Variants in KCNIP4 observed in about 807,000 individuals in gnomAD.
KCNIP4 encodes Kv channel-interacting protein 4.
In KCNIP4, 12 loss-of-function variants were observed where a neutral mutation model predicts 34.0. That is an observed-to-expected ratio of 0.35 (90% confidence interval 0.23 to 0.57). The LOEUF (loss-of-function observed/expected upper bound fraction) is 0.57. Among genes scored for constraint, KCNIP4 ranks in the 20% least tolerant of loss-of-function variants. The pLI is 0.83. For synonymous variants in KCNIP4, 124 were observed against 102.2 expected (o/e 1.21, Z -1.29); for missense variants, 238 against 311.7 (o/e 0.76, Z 1.78).
chr4:21,823,811 G>C (rs1317265840), intron 1 of KCNIP4, among the ~76,000 whole-genome samples: 1 of 151,984 alleles, frequency 6.6e-6, no homozygotes, highest in Non-Finnish European at 1.5e-5. Flanking sequence ...AATCCCTCTT[G>C]GTAAATCACA....
At chr4:21,841,740 C>G (rs1393858111) in intron 1 of KCNIP4, among the ~76,000 whole-genome samples, 1 of 151,746 alleles carries the variant, frequency 6.6e-6, no homozygotes, top group African/African-American at 2.4e-5. Flanking sequence ...CACAGGGTGT[C>G]AAAAATCCTA....
At chr4:21,728,361 G>C (rs909074018) in intron 1 of KCNIP4, among the ~76,000 whole-genome samples, 1 of 152,070 alleles carries the variant, frequency 6.6e-6, no homozygotes, top group African/African-American at 2.4e-5. Context: ...GAGTCCATCA[G>C]CAAATGGTGT....
chr4:21,091,730 C>T (rs1314677290), intron 1 of KCNIP4, among the ~76,000 whole-genome samples: 1 of 152,158 alleles, frequency 6.6e-6, no homozygotes, highest in Non-Finnish European at 1.5e-5. Flanking sequence ...AGACTGCTGA[C>T]TTCTCATTAT....
intron 1 of KCNIP4, among the ~76,000 whole-genome samples, chr4:21,129,751 T>C (rs1016080034): frequency 2.0e-5 from 3 of 152,156 alleles, no homozygotes; most frequent in Non-Finnish European, 4.4e-5. Context: ...ACAGAAAACT[T>C]GGGTCATTTT....
intron 1 of KCNIP4, among the ~76,000 whole-genome samples, chr4:21,136,562 T>C (rs1751513742): frequency 6.6e-6 from 1 of 152,162 alleles, no homozygotes; most frequent in African/African-American, 2.4e-5. Context: ...ATGTTCCAGA[T>C]GTTTCCTGTC....
At chr4:20,844,725 T>C (rs1720156783) in intron 3 of KCNIP4, among the ~76,000 whole-genome samples, 1 of 152,200 alleles carries the variant, frequency 6.6e-6, no homozygotes. Context: ...AAATGTACTT[T>C]GCAAAAATGT....
intron 1 of KCNIP4, among the ~76,000 whole-genome samples, chr4:21,214,799 A>T (rs1577900360): frequency 1.3e-5 from 2 of 152,204 alleles, no homozygotes; most frequent in Admixed American, 1.3e-4. Flanking sequence ...AGTCTGTTTC[A>T]TATACCATGC....
intron 1 of KCNIP4, among the ~76,000 whole-genome samples, chr4:21,461,484 T>A (rs913564810): frequency 6.6e-6 from 1 of 151,994 alleles, no homozygotes; most frequent in African/African-American, 2.4e-5. Context: ...TACAAAAGTA[T>A]CAGTTCATGG....
chr4:21,289,367 T>C (rs565968809), intron 1 of KCNIP4, among the ~76,000 whole-genome samples: 1 of 152,308 alleles, frequency 6.6e-6, no homozygotes, highest in South Asian at 2.1e-4. Context: ...CATCCTCTTG[T>C]GCTATCAAAC....
At chr4:21,044,442 G>A (rs140252152) in intron 1 of KCNIP4, among the ~76,000 whole-genome samples, 2,885 of 152,150 alleles carry the variant, frequency 0.019, 52 homozygotes, top group Non-Finnish European at 0.025. Flanking sequence ...CTCCCAAGTA[G>A]CTGGGACTAG....
intron 1 of KCNIP4, among the ~76,000 whole-genome samples, chr4:21,424,502 G>A (rs929260944): frequency 5.9e-5 from 9 of 151,980 alleles, no homozygotes; most frequent in African/African-American, 2.2e-4. Flanking sequence ...AACCCGGGAG[G>A]TGGAGGTTGC....
intron 1 of KCNIP4, among the ~76,000 whole-genome samples, chr4:21,774,738 C>G (rs1180583868): frequency 6.6e-6 from 1 of 152,168 alleles, no homozygotes; most frequent in Non-Finnish European, 1.5e-5. Context: ...ATCAATTCAT[C>G]TGTTCACACT....
intron 1 of KCNIP4, among the ~76,000 whole-genome samples, chr4:21,647,863 CTTTTTTTTTTTTTT>C (rs10539950): frequency 1.7e-5 from 1 of 60,178 alleles, no homozygotes; most frequent in Non-Finnish European, 2.6e-5. Flanking sequence ...TACAATGATG[CTTTTTTTTTTTTTT>C]TTTTTTTTTT....
chr4:21,407,918 T>C (rs1724134084), intron 1 of KCNIP4, among the ~76,000 whole-genome samples: 1 of 152,114 alleles, frequency 6.6e-6, no homozygotes, highest in South Asian at 2.1e-4. Context: ...CTGAAATAAA[T>C]TTGCTCATGC....
At chr4:20,826,995 T>G (rs900411395) in intron 3 of KCNIP4, among the ~76,000 whole-genome samples, 4 of 152,162 alleles carry the variant, frequency 2.6e-5, no homozygotes, top group Non-Finnish European at 4.4e-5. Context: ...CACTGCCACA[T>G]CCCACATCAA....
intron 1 of KCNIP4, among the ~76,000 whole-genome samples, chr4:21,193,202 G>T (rs910570984): frequency 1.3e-5 from 2 of 151,964 alleles, no homozygotes; most frequent in Admixed American, 6.6e-5. Flanking sequence ...CCTACAAAAT[G>T]GCTGCAATTA....
Position 21,370,672 on chromosome 4 carries a change from C to T in KCNIP4, c.62-487963G>A, listed in dbSNP as rs767567272. Among the ~76,000 whole-genome samples the T allele has an allele frequency of 8.7e-4, 122 of 140,214 alleles. 1 individual carries two copies. Among genetic ancestry groups the T allele is most frequent in the Middle Eastern group, 3.5e-3 (1 of 288 alleles). The allele number at this position is 140,214 out of a possible 152,430, so 92.0% of individuals were successfully genotyped here. A position where few individuals can be genotyped will look rare whatever the true frequency, so the allele number is the denominator to read the frequency against. On this transcript the variant is annotated intron_variant, in intron 1 of 8. Coordinates refer to ENST00000382152, the MANE Select transcript of KCNIP4 (RefSeq NM_025221.6). ...ATATGCGGACATATAAGCTCTGAAGCGCTGAGAGTGAGCCATTTGGGATAT... is the reference window on the plus strand; with the variant it reads ...ATATGCGGACATATAAGCTCTGAAGTGCTGAGAGTGAGCCATTTGGGATAT...
Position 21,675,479 on chromosome 4 carries a change from C to T in KCNIP4, c.61+273092G>A, listed in dbSNP as rs566828943. Among the ~76,000 whole-genome samples the T allele has an allele frequency of 1.3e-3, 198 of 152,204 alleles. 1 individual carries two copies. Among genetic ancestry groups the T allele is most frequent in the African/African-American group, 1.8e-3 (74 of 41,546 alleles). ...TTGTTTGTAACTCAAAGGATAAATG[C>T]TTGAGGGGATGGACACCCCATTCTC... On this transcript the variant is annotated intron_variant, in intron 1 of 8. Coordinates refer to ENST00000382152, the MANE Select transcript of KCNIP4 (RefSeq NM_025221.6).
intron 1 of KCNIP4, among the ~76,000 whole-genome samples, chr4:21,890,265 T>C (rs571790294): frequency 6.6e-6 from 1 of 152,268 alleles, no homozygotes; most frequent in South Asian, 2.1e-4. Context: ...GAGGCAGACT[T>C]AAGAATTTGG....
Sources: gnomAD v4.1 joint callset for allele counts (sites outside exome capture counted in the v4.1 genomes callset) on GRCh38, gnomAD v4.1.1 for gene constraint, MANE v1.5 for transcripts, NCBI Gene and HGNC (gene_info 2026-07-23, HGNC 2026-07-21) for gene names.